EPHB1: variants seen among roughly 807,000 people sequenced by gnomAD.
EPHB1 encodes the protein EPH receptor B1, also known as ephrin type-B receptor 1.
EPHB1 carries 30 observed loss-of-function variants against 94.4 expected under a neutral mutation model. The observed-to-expected ratio is 0.32, with a 90% CI of 0.24 to 0.43. The LOEUF (loss-of-function observed/expected upper bound fraction) is 0.43, where lower values mean the gene tolerates loss of function less well. Among genes scored for constraint, EPHB1 ranks in the 20% least tolerant of loss-of-function variants. EPHB1 has a pLI of 1.00. For missense variants in EPHB1, 1,055 were observed against 1,308.3 expected (o/e 0.81, Z 2.99); for synonymous variants, 522 against 489.1 (o/e 1.07, Z -0.89).
intron 5 of EPHB1, among the ~76,000 whole-genome samples, chr3:135,139,986 C>T (rs1371584542): frequency 2.6e-5 from 4 of 152,164 alleles, no homozygotes; most frequent in Non-Finnish European, 5.9e-5. Context: ...AGCCTTCACT[C>T]TGCTAGGAGT....
intron 3 of EPHB1, among the ~76,000 whole-genome samples, chr3:135,069,877 C>A (rs1228819484): frequency 6.6e-6 from 1 of 151,986 alleles, no homozygotes; most frequent in Non-Finnish European, 1.5e-5. Flanking sequence ...AGTGTTTCCC[C>A]AAATGTTTGC....
intron 3 of EPHB1, among the ~76,000 whole-genome samples, chr3:135,061,143 C>T (rs1311115265): frequency 6.6e-6 from 1 of 152,078 alleles, no homozygotes; most frequent in South Asian, 2.1e-4. Flanking sequence ...AAAAAAATTT[C>T]CATAGGTTAT....
chr3:134,971,326 C>T (rs902872186), intron 3 of EPHB1, among the ~76,000 whole-genome samples: 2 of 152,182 alleles, frequency 1.3e-5, no homozygotes, highest in African/African-American at 4.8e-5. Context: ...CCCTGAGTTC[C>T]AACTTACTTT....
At chr3:135,063,962 T>C (rs1322038166) in intron 3 of EPHB1, among the ~76,000 whole-genome samples, 4 of 152,230 alleles carry the variant, frequency 2.6e-5, no homozygotes, top group Non-Finnish European at 4.4e-5. Context: ...TATGTGGTTT[T>C]TGTTTTTAAT....
At chr3:135,105,630 C>A (rs930512708) in intron 3 of EPHB1, among the ~76,000 whole-genome samples, 3 of 152,088 alleles carry the variant, frequency 2.0e-5, no homozygotes, top group African/African-American at 7.2e-5. Flanking sequence ...TAGGCTGATC[C>A]CACAGGAAAT....
intron 9 of EPHB1, among the ~76,000 whole-genome samples, chr3:135,175,816 G>C (rs569958879): frequency 1.3e-5 from 2 of 152,230 alleles, no homozygotes; most frequent in Admixed American, 1.3e-4. Context: ...ACAAATCTGA[G>C]AACGTTTTCT....
chr3:134,915,268 A>G lies in EPHB1; in HGVS notation c.59-10548A>G, dbSNP rs1489642280. Among the ~76,000 whole-genome samples, 5 of 152,340 alleles carry G rather than the reference A, an allele frequency of 3.3e-5. No individual in the cohort carries two copies. The East Asian group carries it at 7.7e-4, about 24-fold the overall frequency. On this transcript the variant is annotated intron_variant, in intron 1 of 15. Transcript: ENST00000398015. ...TTAATGCAGATGTAAACAGTTAAGA[A>G]GAAGTCATACTAGAGTATGACGGAC... is the stretch of plus-strand genomic sequence containing the variant.
chr3:134,940,807 A>G (rs941014233), intron 2 of EPHB1, among the ~76,000 whole-genome samples: 2 of 152,230 alleles, frequency 1.3e-5, no homozygotes, highest in African/African-American at 2.4e-5. Flanking sequence ...AGTGGAATAT[A>G]AGGTCCATGC....
chr3:135,255,768 A>C (rs550365279), intron 15 of EPHB1, among the ~76,000 whole-genome samples: 1 of 147,522 alleles, frequency 6.8e-6, no homozygotes, highest in South Asian at 2.3e-4. Flanking sequence ...ATTCCTGGGT[A>C]TCCTTGTTGA....
chr3:135,102,764 T>A (rs891011184), intron 3 of EPHB1, among the ~76,000 whole-genome samples: 1 of 152,198 alleles, frequency 6.6e-6, no homozygotes, highest in Non-Finnish European at 1.5e-5. Context: ...TAAAGAAAAG[T>A]GGCACATATA....
At chr3:135,119,748 G>A (rs1321047918) in intron 4 of EPHB1, among the ~76,000 whole-genome samples, 1 of 152,072 alleles carries the variant, frequency 6.6e-6, no homozygotes, top group East Asian at 1.9e-4. Context: ...CACCAAGACT[G>A]GGCTTTTATA....
chr3:135,197,102 G>GAA (rs55900203), intron 11 of EPHB1, among the ~76,000 whole-genome samples: 14 of 120,644 alleles, frequency 1.2e-4, no homozygotes, highest in Admixed American at 1.6e-4. Flanking sequence ...CCAGAAAAAG[G>GAA]AAAAAAAAAA....
intron 1 of EPHB1, among the ~76,000 whole-genome samples, chr3:134,899,919 T>A (rs2038166994): frequency 6.6e-6 from 1 of 152,162 alleles, no homozygotes; most frequent in African/African-American, 2.4e-5. Context: ...CCTGGTGAGT[T>A]TGCAAGGTAG....
chr3:135,021,132 T>A (rs1187534683), intron 3 of EPHB1, among the ~76,000 whole-genome samples: 1 of 152,216 alleles, frequency 6.6e-6, no homozygotes, highest in Non-Finnish European at 1.5e-5. Flanking sequence ...CTTATTGTTT[T>A]TACAGTCTTT....
intron 1 of EPHB1, among the ~76,000 whole-genome samples, chr3:134,921,047 C>A (rs531724653): frequency 1.3e-5 from 2 of 152,284 alleles, no homozygotes; most frequent in Non-Finnish European, 2.9e-5. Flanking sequence ...CAGTACCTGG[C>A]TCTATGCTAG....
intron 4 of EPHB1, among the ~76,000 whole-genome samples, chr3:135,131,509 G>A (rs928486602): frequency 2.6e-5 from 4 of 152,134 alleles, no homozygotes; most frequent in East Asian, 1.9e-4. Context: ...CCTGCCATTC[G>A]AAAGGGGGGC....
At position 135,259,194 on chromosome 3, in the gene EPHB1, G is replaced by A. The variant is rs1933544789; in HGVS notation, c.*74G>A. On this transcript the variant is annotated 3_prime_UTR_variant, in exon 16 of 16. Transcript: ENST00000398015. ...AGGGGGACCAGAGGTTGACCACTGT[G>A]GAATGTACTGGAGAGACTGGCTTCT... The A allele has an allele frequency of 1.7e-6, 2 of 1,156,022 alleles. No individual in the cohort carries two copies. The highest frequency in any genetic ancestry group is 4.1e-5 in the Admixed American group (2 of 49,328). The allele number at this position is 1,156,022 out of a possible 1,614,324, so 71.6% of individuals were successfully genotyped here.
rs1489175783 is a variant in EPHB1 at position 134,804,071 on chromosome 3, A to T, written c.58+8382A>T. ...ACCCCCACTGTGGTCATTATTGGCT[A>T]TTTTTTTTTTTTTTTTTTTTTTTTT... is the stretch of plus-strand genomic sequence containing the variant. On this transcript the variant is annotated intron_variant, in intron 1 of 15. Coordinates refer to ENST00000398015, the MANE Select transcript of EPHB1 (RefSeq NM_004441.5). Among the ~76,000 whole-genome samples, 334 of 43,772 alleles carry T rather than the reference A, an allele frequency of 7.6e-3. 4 individuals are homozygous for T. The highest frequency in any genetic ancestry group is 0.043 in the South Asian group (73 of 1,712). The allele number at this position is 43,772 out of a possible 152,430, so 28.7% of individuals were successfully genotyped here. A position where few individuals can be genotyped will look rare whatever the true frequency, so the allele number is the denominator to read the frequency against.
intron 1 of EPHB1, among the ~76,000 whole-genome samples, chr3:134,925,296 A>G (rs1001419886): frequency 2.6e-5 from 4 of 152,228 alleles, no homozygotes; most frequent in African/African-American, 9.6e-5. Context: ...GGGTGTCAAT[A>G]TAGATGCCTG....
Sources: allele counts gnomAD v4.1 joint callset (sites outside exome capture counted in the v4.1 genomes callset), GRCh38; gene constraint gnomAD v4.1.1; transcripts MANE v1.5; gene names NCBI Gene and HGNC (gene_info 2026-07-23, HGNC 2026-07-21).